DAOA: variants seen among roughly 807,000 people sequenced by gnomAD.
The protein encoded by DAOA is D-amino acid oxidase activator, also known as D-amino acid oxidase regulator.
A neutral mutation model predicts 16.4 loss-of-function variants in DAOA; 15 were observed. The ratio of observed to expected loss-of-function variants is 0.91; its 90% CI spans 0.61 to 1.41. The LOEUF (loss-of-function observed/expected upper bound fraction) is 1.41, where lower values mean the gene tolerates loss of function less well. DAOA is among the 40% of genes most tolerant of loss of function. The pLI, the probability that DAOA is intolerant of heterozygous loss-of-function variation, is 0.00. For synonymous variants in DAOA, 75 were observed against 59.1 expected (o/e 1.27, Z -1.23); for missense variants, 230 against 176.8 (o/e 1.30, Z -1.71).
At chr13:105,484,772 C>T (rs1383992376) in intron 4 of DAOA, among the ~76,000 whole-genome samples, 1 of 152,076 alleles carries the variant, frequency 6.6e-6, no homozygotes, top group Non-Finnish European at 1.5e-5. Context: ...TTATTTCCTC[C>T]TATACAATTT....
chr13:105,485,730 G>A (rs776690742), intron 4 of DAOA, among the ~76,000 whole-genome samples: 10 of 152,094 alleles, frequency 6.6e-5, no homozygotes, highest in African/African-American at 9.7e-5. Flanking sequence ...AGACATACAC[G>A]GAGAAGAGAA....
intron 4 of DAOA, among the ~76,000 whole-genome samples, chr13:105,485,093 T>C (rs1336992106): frequency 1.3e-5 from 2 of 152,184 alleles, no homozygotes; most frequent in Admixed American, 6.6e-5. Flanking sequence ...TGTTTAATGT[T>C]GATGTCAAGG....
Position 105,470,031 on chromosome 13 carries a change from C to G in DAOA, c.134-2507C>G, listed in dbSNP as rs150216105. 3.7e-3 allele frequency among the ~76,000 whole-genome samples: 561 copies of G among 150,988 alleles called. 3 individuals carry two copies. The highest frequency in any genetic ancestry group is 0.013 in the African/African-American group (518 of 41,180). ...GCTAATGGATTTTTACTTGGTTAAT[C>G]TTCCTAACCAAAATTTGATCTACTT... On this transcript the variant is annotated intron_variant, in intron 3 of 5. Transcript: ENST00000375936.
At chr13:105,490,246 T>C in intron 5 of DAOA, 54 bp downstream of exon 5, 1 of 884,536 alleles carries the variant, frequency 1.1e-6, no homozygotes, top group Non-Finnish European at 1.4e-6. Flanking sequence ...AAATATAATT[T>C]TTATGAATTA....
At chr13:105,475,067 T>C in intron 4 of DAOA, 1 of 985,076 alleles carries the variant, frequency 1.0e-6, no homozygotes. Context: ...AAGGAGACAC[T>C]GAGGTAAAGA....
At chr13:105,473,291 T>A (rs570497358) in intron 4 of DAOA, among the ~76,000 whole-genome samples, 23 of 152,188 alleles carry the variant, frequency 1.5e-4, no homozygotes, top group African/African-American at 5.5e-4. Context: ...TCTGATGCTA[T>A]CTATCTTTTT....
intron 5 of DAOA, chr13:105,490,513 G>T (rs1878443282): frequency 6.6e-6 from 1 of 152,250 alleles, no homozygotes; most frequent in Non-Finnish European, 1.5e-5. Context: ...GTCTCCCTTT[G>T]CCATTGTTAT....
chr13:105,478,865 C>T (rs1419991470), intron 4 of DAOA, among the ~76,000 whole-genome samples: 1 of 152,176 alleles, frequency 6.6e-6, no homozygotes, highest in African/African-American at 2.4e-5. Flanking sequence ...CAGATGCCTG[C>T]CTACTTGGCT....
intron 3 of DAOA, among the ~76,000 whole-genome samples, chr13:105,472,134 T>A (rs777990984): frequency 3.9e-5 from 6 of 152,242 alleles, no homozygotes; most frequent in Non-Finnish European, 8.8e-5. Flanking sequence ...ACGAGAGGAC[T>A]ATTTCATCGT....
At chr13:105,484,946 C>T (rs1287927579) in intron 4 of DAOA, among the ~76,000 whole-genome samples, 2 of 152,094 alleles carry the variant, frequency 1.3e-5, no homozygotes, top group Non-Finnish European at 2.9e-5. Context: ...TCCTTGGCTG[C>T]CTGATGTTTT....
chr13:105,478,052 A>G (rs1052861150), intron 4 of DAOA, among the ~76,000 whole-genome samples: 13 of 152,236 alleles, frequency 8.5e-5, no homozygotes, highest in Admixed American at 8.5e-4. Flanking sequence ...AGTTAATACT[A>G]TGAAATATAT....
At chr13:105,477,207 G>T (rs1467903419) in intron 4 of DAOA, 1 of 152,136 alleles carries the variant, frequency 6.6e-6, no homozygotes, top group Non-Finnish European at 1.5e-5. Context: ...CTTGGATCTG[G>T]AAGGTCAGTC....
chr13:105,474,860 T>C, intron 4 of DAOA: 2 of 268,314 alleles, frequency 7.5e-6, no homozygotes, highest in Non-Finnish European at 1.1e-5. Context: ...ATGTCATTCC[T>C]CTTCTGGAAA....
chr13:105,485,632 A>G (rs1207457249), intron 4 of DAOA, among the ~76,000 whole-genome samples: 1 of 152,198 alleles, frequency 6.6e-6, no homozygotes, highest in African/African-American at 2.4e-5. Flanking sequence ...ATATTTGCAG[A>G]TGTAATCAGT....
intron 4 of DAOA, among the ~76,000 whole-genome samples, chr13:105,483,325 TTA>T (rs1481314646): frequency 6.6e-6 from 1 of 152,226 alleles, no homozygotes; most frequent in African/African-American, 2.4e-5. Context: ...TGTAGAAGTC[TTA>T]TAATGAAGAT....
At chr13:105,488,695 A>G (rs745426305) in intron 4 of DAOA, among the ~76,000 whole-genome samples, 2 of 152,202 alleles carry the variant, frequency 1.3e-5, no homozygotes, top group Non-Finnish European at 2.9e-5. Flanking sequence ...CTCCACTGGA[A>G]AAGTGAAAAA....
At chr13:105,490,252 A>C (rs1362183677) in intron 5 of DAOA, 60 bp downstream of exon 5, 12 of 858,496 alleles carry the variant, frequency 1.4e-5, no homozygotes, top group Non-Finnish European at 1.6e-5. Context: ...AATTTTTATG[A>C]ATTATATTTT....
chr13:105,476,308 C>T (rs547711010), intron 4 of DAOA, among the ~76,000 whole-genome samples: 1 of 152,042 alleles, frequency 6.6e-6, no homozygotes, highest in East Asian at 1.9e-4. Flanking sequence ...AACTTCAGTA[C>T]TGAAAGGAGA....
intron 4 of DAOA, among the ~76,000 whole-genome samples, chr13:105,481,700 G>C (rs76450719): frequency 6.6e-6 from 1 of 152,010 alleles, no homozygotes; most frequent in Non-Finnish European, 1.5e-5. Flanking sequence ...CTGTGGTAGT[G>C]GAAACAAACT....
Sources: gnomAD v4.1 joint callset for allele counts (sites outside exome capture counted in the v4.1 genomes callset) on GRCh38, gnomAD v4.1.1 for gene constraint, MANE v1.5 for transcripts, NCBI Gene and HGNC (gene_info 2026-07-23, HGNC 2026-07-21) for gene names.